Variants in RPS6KA2 observed in about 807,000 individuals in gnomAD.
The protein encoded by RPS6KA2 is ribosomal protein S6 kinase alpha-2.
A neutral mutation model predicts 91.8 loss-of-function variants in RPS6KA2; 42 were observed. The ratio of observed to expected loss-of-function variants is 0.46; its 90% confidence interval spans 0.36 to 0.59. The LOEUF (loss-of-function observed/expected upper bound fraction) is 0.59. Among genes scored for constraint, RPS6KA2 ranks in the 20% least tolerant of loss-of-function variants. RPS6KA2 has a pLI of 0.00. For synonymous variants in RPS6KA2, 414 were observed against 393.6 expected (o/e 1.05, Z -0.61); for missense variants, 798 against 978.5 (o/e 0.82, Z 2.46).
At chr6:166,547,595 A>T (rs971510105) in intron 1 of RPS6KA2, among the ~76,000 whole-genome samples, 1 of 152,264 alleles carries the variant, frequency 6.6e-6, no homozygotes, top group African/African-American at 2.4e-5. Flanking sequence ...ATGTGCTAGA[A>T]GATCAGAAGA....
chr6:166,705,905 G>A (rs146617003), intron 2 of RPS6KA2, among the ~76,000 whole-genome samples: 138 of 152,238 alleles, frequency 9.1e-4, no homozygotes, highest in Middle Eastern at 3.4e-3. Context: ...GAGGTGATTA[G>A]GTCATGAGAG....
At chr6:166,616,479 C>A in intron 1 of RPS6KA2, among the ~76,000 whole-genome samples, 1 of 152,248 alleles carries the variant, frequency 6.6e-6, no homozygotes, top group Non-Finnish European at 1.5e-5. Flanking sequence ...TGTCCAGCAA[C>A]ACGTGTTCAC....
In RPS6KA2 at chr6:166,430,498, G is replaced by A; in HGVS notation, c.1536C>T (p.Val512=). Residue 512 remains valine, a synonymous_variant, in exon 16 of 21, where the codon GTC becomes GTT. Coordinates refer to ENST00000265678, the MANE Select transcript of RPS6KA2 (RefSeq NM_021135.6). The part of the protein sequence containing the change: ...RYFSEREASD[V]LCTITKTMDY... ...CCATGGTCTTGGTGATGGTGCACAGGACGTCACTGGCTTCGCGCTCCGAGA... is the reference window on the plus strand; with the variant it reads ...CCATGGTCTTGGTGATGGTGCACAGAACGTCACTGGCTTCGCGCTCCGAGA... The A allele has an allele frequency of 6.2e-7, 1 of 1,614,150 alleles. No homozygotes were observed. The highest frequency in any genetic ancestry group is 1.1e-5 in the South Asian group (1 of 91,072).
chr6:166,573,766 AAC>A (rs1181220414), intron 1 of RPS6KA2, among the ~76,000 whole-genome samples: 2 of 152,216 alleles, frequency 1.3e-5, no homozygotes, highest in Admixed American at 6.5e-5. Flanking sequence ...TGCGTGGTGA[AAC>A]AGTCTGGGAA....
At chr6:166,431,924 G>A (rs948816391) in intron 15 of RPS6KA2, among the ~76,000 whole-genome samples, 30 of 152,258 alleles carry the variant, frequency 2.0e-4, no homozygotes, top group South Asian at 8.3e-4. Flanking sequence ...CACCGCACCC[G>A]GCCTGTTCGG....
intron 20 of RPS6KA2, 86 bp downstream of exon 20, chr6:166,413,708 G>A: frequency 4.2e-6 from 6 of 1,431,148 alleles, no homozygotes; most frequent in Non-Finnish European, 5.7e-6. Flanking sequence ...GCACTCTGTG[G>A]TTTCTTCGGA....
chr6:166,521,510 C>T (rs1782853330), intron 3 of RPS6KA2, among the ~76,000 whole-genome samples: 1 of 152,232 alleles, frequency 6.6e-6, no homozygotes, highest in Non-Finnish European at 1.5e-5. Context: ...CCTTTTCTTT[C>T]CTATTTCTCC....
rs1780038796 is a variant in RPS6KA2, at chr6:166,825,904, C to A, written c.123+32296G>T. Among the ~76,000 whole-genome samples the A allele has an allele frequency of 6.6e-6, 1 of 152,184 alleles. No homozygotes were observed. The highest frequency in any genetic ancestry group is 2.4e-5 in the African/African-American group (1 of 41,446). ...ATGAAATGTCCACAGCAGGAAGGAA[C>A]AGATTCCTCCACTGGGCTGTCATCT... On this transcript the variant is annotated intron_variant, in intron 2 of 21. Coordinates refer to the RPS6KA2 transcript ENST00000503859. This position sits in a 1 kb window ranked among gnomAD's most constrained non-coding sequence, Gnocchi z 4.1.
chr6:166,599,178 T>C (rs747347103), intron 1 of RPS6KA2, among the ~76,000 whole-genome samples: 131 of 152,310 alleles, frequency 8.6e-4, no homozygotes, highest in Admixed American at 8.5e-4. Flanking sequence ...GGTAGAGGTT[T>C]TTAGAAAGGT....
chr6:166,638,366 G>C lies in RPS6KA2; in HGVS notation c.124-99582C>G, dbSNP rs578230944. On this transcript the variant is annotated intron_variant, in intron 2 of 21. Transcript: ENST00000503859. ...GAGCAGTGAATGTCAGATTTGATAA[G>C]CTTAAGGAGATAAAAGCAAGATATG... Among the ~76,000 whole-genome samples, 16 of 152,304 alleles carry C rather than the reference G, an allele frequency of 1.1e-4. No individual in the cohort carries two copies. In the South Asian group the frequency reaches 3.3e-3, roughly 32 times the overall value.
intron 1 of RPS6KA2, 69 bp from the exon 2 acceptor site, chr6:166,538,853 C>T (rs1387459253): frequency 2.5e-6 from 2 of 797,862 alleles, no homozygotes; most frequent in South Asian, 1.5e-5. Flanking sequence ...CAGCTTCCTC[C>T]TCCCCTGAGT....
chr6:166,817,567 A>G (rs1467827844), intron 2 of RPS6KA2, among the ~76,000 whole-genome samples: 5 of 152,224 alleles, frequency 3.3e-5, no homozygotes, highest in Non-Finnish European at 7.3e-5. Context: ...TATTTTAAAC[A>G]GGTAAAAATC....
chr6:166,842,308 G>A (rs77495940), intron 2 of RPS6KA2, among the ~76,000 whole-genome samples: 3,463 of 152,274 alleles, frequency 0.023, 149 homozygotes, highest in African/African-American at 0.079. Context: ...GATGAAAGTC[G>A]CCAGGGTGGC....
intron 2 of RPS6KA2, among the ~76,000 whole-genome samples, chr6:166,654,763 G>A (rs1030792582): frequency 3.3e-5 from 5 of 152,152 alleles, no homozygotes; most frequent in Admixed American, 6.5e-5. Flanking sequence ...AATTAGATTA[G>A]GGTAAAATAT....
intron 2 of RPS6KA2, among the ~76,000 whole-genome samples, chr6:166,734,008 G>A (rs11964446): frequency 0.36 from 55,487 of 152,078 alleles, 14,349 homozygotes; most frequent in African/African-American, 0.74. Context: ...GCATGCAAGC[G>A]AAGGGACATT....
chr6:166,434,136 C>T lies in RPS6KA2; in HGVS notation c.1333-1646G>A, dbSNP rs967142031. On this transcript the variant is annotated intron_variant, in intron 14 of 20. Transcript: ENST00000265678. The surrounding 1 kb of genome is among the most constrained non-coding windows in gnomAD (Gnocchi z 4.4). ...CATAATCTGTCCCCTGGTCACCCTT[C>T]GTCCACTCCCCGTCACCGTTATAAA... 3.3e-5 allele frequency among the ~76,000 whole-genome samples: 5 copies of T among 152,148 alleles called. No individual in the cohort carries two copies. The highest frequency in any genetic ancestry group is 4.8e-5 in the African/African-American group (2 of 41,434).
chr6:166,525,000 C>T (rs1041919), intron 3 of RPS6KA2, among the ~76,000 whole-genome samples: 59,261 of 151,912 alleles, frequency 0.39, 11,721 homozygotes, highest in East Asian at 0.52. Flanking sequence ...CAGAGGGGTC[C>T]GAGGCATCAG....
At chr6:166,451,012 C>A in intron 13 of RPS6KA2, 91 bp downstream of exon 13, 1 of 1,516,386 alleles carries the variant, frequency 6.6e-7, no homozygotes, top group Middle Eastern at 1.7e-4. Context: ...AGCACCCAAC[C>A]CCCGGGTGAC....
chr6:166,825,433 A>T lies in RPS6KA2; in HGVS notation c.123+32767T>A, dbSNP rs529369082. On this transcript the variant is annotated intron_variant, in intron 2 of 21. Coordinates refer to the RPS6KA2 transcript ENST00000503859. The surrounding 1 kb of genome is among the most constrained non-coding windows in gnomAD (Gnocchi z 4.1). ...GGAGTTTAGGTGGAATACAGCAGAGAGGGACCCCTGGGCAGGCCTGCTTCC... is the reference window on the plus strand; with the variant it reads ...GGAGTTTAGGTGGAATACAGCAGAGTGGGACCCCTGGGCAGGCCTGCTTCC... Among the ~76,000 whole-genome samples the T allele has an allele frequency of 4.6e-5, 7 of 152,318 alleles. No individual in the cohort carries two copies. The South Asian group carries it at 1.4e-3, about 32-fold the overall frequency.
Sources: gnomAD v4.1 joint callset for allele counts (sites outside exome capture counted in the v4.1 genomes callset) on GRCh38, gnomAD v4.1.1 for gene constraint, Gnocchi (gnomAD v3.1) non-coding constraint, MANE v1.5 for transcripts, NCBI Gene and HGNC (gene_info 2026-07-23, HGNC 2026-07-21) for gene names.